Variants in LMBRD1 observed in about 807,000 individuals in gnomAD.
The protein encoded by LMBRD1 is lysosomal cobalamin transport escort protein LMBD1.
In LMBRD1, 64 loss-of-function variants were observed where a neutral mutation model predicts 74.8. That is an observed-to-expected ratio of 0.86 (90% CI 0.70 to 1.05). The LOEUF is 1.05. Among genes scored for constraint, LMBRD1 ranks in the 50% least tolerant of loss-of-function variants. The probability of loss-of-function intolerance (pLI) is 0.00; values close to 1 mark genes in which losing one functional copy is unlikely to be tolerated. For synonymous variants in LMBRD1, 204 were observed against 216.3 expected (o/e 0.94, Z 0.50); for missense variants, 652 against 645.9 (o/e 1.01, Z -0.10).
In LMBRD1 at chr6:69,699,086, G is replaced by C; in HGVS notation, c.1295C>G (p.Ala432Gly). 1.2e-6 allele frequency: 2 copies of C among 1,608,390 alleles called. No homozygotes were observed. Among genetic ancestry groups the C allele is most frequent in the Non-Finnish European group, 1.7e-6 (2 of 1,175,322 alleles). ...GCTTCCATACATAACATATTGGGGA[G>C]CAAGACTATAAATCATGTAGCTAGT... is the stretch of plus-strand genomic sequence containing the variant. ...LHTSYMIYSL[A>G]PQYVMYGSQN... Residue 432 changes from alanine (A) to glycine (G), a missense_variant, in exon 13 of 16, where the codon GCT becomes GGT. Physicochemically the swap from Ala to Gly is moderately conservative, Grantham distance 60 (BLOSUM62 0). Around this residue, in one of 3 missense-constraint regions of LMBRD1, gnomAD observed 598 missense variants for 581.8 expected, o/e 1.03. Coordinates refer to ENST00000649934, the MANE Select transcript of LMBRD1 (RefSeq NM_018368.4).
At chr6:69,734,486 G>A (rs1249323910) in intron 7 of LMBRD1, among the ~76,000 whole-genome samples, 1 of 151,368 alleles carries the variant, frequency 6.6e-6, no homozygotes, top group Non-Finnish European at 1.5e-5. Flanking sequence ...ACCTCTGCCT[G>A]CCGAATTCAA....
chr6:69,719,057 AAGG>A lies in LMBRD1; in HGVS notation c.658_660del (p.Pro220del). On this transcript the variant is annotated inframe_deletion, in exon 8 of 16. Coordinates refer to ENST00000649934, the MANE Select transcript of LMBRD1 (RefSeq NM_018368.4). ...CTTCTAGTGCCTTTTATCAGATTTAAAGGTAACGCAGACATGCCATAGGCCTAA... is the reference window on the plus strand; with the variant it reads ...CTTCTAGTGCCTTTTATCAGATTTAATAACGCAGACATGCCATAGGCCTAA... 1 of 1,613,236 alleles carries A rather than the reference AAGG, an allele frequency of 6.2e-7. No homozygotes were observed. Among genetic ancestry groups the A allele is most frequent in the Non-Finnish European group, 8.5e-7 (1 of 1,179,448 alleles).
chr6:69,695,562 T>A (rs535372502), intron 14 of LMBRD1, among the ~76,000 whole-genome samples: 39 of 152,336 alleles, frequency 2.6e-4, no homozygotes, highest in African/African-American at 9.4e-4. Flanking sequence ...CCACATCTTT[T>A]AAATTATCTC....
intron 11 of LMBRD1, among the ~76,000 whole-genome samples, chr6:69,701,152 C>G (rs1432457251): frequency 6.6e-6 from 1 of 151,552 alleles, no homozygotes; most frequent in East Asian, 1.9e-4. Context: ...AATATTAATA[C>G]CAAAAATAAT....
chr6:69,791,018 T>C (rs1766070358), intron 1 of LMBRD1, among the ~76,000 whole-genome samples: 1 of 152,202 alleles, frequency 6.6e-6, no homozygotes, highest in African/African-American at 2.4e-5. Flanking sequence ...GAAAAGTCAA[T>C]GCTGAAAATG....
At chr6:69,713,819 A>T in intron 8 of LMBRD1, 22 bp from the exon 9 acceptor site, 1 of 1,612,902 alleles carries the variant, frequency 6.2e-7, no homozygotes, top group Non-Finnish European at 8.5e-7. Context: ...AGAACAAAAT[A>T]AAAGTTTTAC....
intron 1 of LMBRD1, among the ~76,000 whole-genome samples, chr6:69,795,079 T>C (rs757111757): frequency 6.6e-6 from 1 of 152,212 alleles, no homozygotes; most frequent in Non-Finnish European, 1.5e-5. Flanking sequence ...ATTTTCTCCA[T>C]ACACTTCGAC....
At chr6:69,734,362 T>G (rs748383638) in intron 7 of LMBRD1, among the ~76,000 whole-genome samples, 1 of 151,562 alleles carries the variant, frequency 6.6e-6, no homozygotes, top group Non-Finnish European at 1.5e-5. Context: ...TCTTGGAAAC[T>G]GGGACTTTAA....
chr6:69,767,455 T>G (rs1333246663), intron 3 of LMBRD1, among the ~76,000 whole-genome samples: 1 of 151,812 alleles, frequency 6.6e-6, no homozygotes, highest in African/African-American at 2.4e-5. Context: ...TCTTGATCCA[T>G]GGGTTATTTA....
At chr6:69,700,673 C>G (rs1188646767) in intron 12 of LMBRD1, 92 bp downstream of exon 12, 12 of 865,816 alleles carry the variant, frequency 1.4e-5, no homozygotes, top group Non-Finnish European at 2.0e-5. Context: ...TATAAAGATA[C>G]AGCTACTATA....
intron 4 of LMBRD1, among the ~76,000 whole-genome samples, chr6:69,750,718 T>C (rs1765124729): frequency 1.3e-5 from 2 of 152,100 alleles, no homozygotes; most frequent in South Asian, 4.1e-4. Context: ...CTCGTGGAGA[T>C]CTTATCAAAT....
chr6:69,738,206 T>C lies in LMBRD1; in HGVS notation c.563-191A>G, dbSNP rs62408997. On this transcript the variant is annotated intron_variant, in intron 6 of 15. Transcript: ENST00000649934. ...TCTAAAGGACTCTTTAAAAATTGAT[T>C]TGTAAAAAATCTTTCTGACTAGCTG... Among the ~76,000 whole-genome samples the C allele has an allele frequency of 0.094, 14,302 of 152,152 alleles. 853 individuals are homozygous for C. Among genetic ancestry groups the C allele is most frequent in the Non-Finnish European group, 0.14 (9,236 of 67,924 alleles).
chr6:69,777,473 G>C (rs1451714073), intron 3 of LMBRD1, among the ~76,000 whole-genome samples: 4 of 150,114 alleles, frequency 2.7e-5, no homozygotes, highest in African/African-American at 7.3e-5. Flanking sequence ...GGCCCCAGAT[G>C]ATTTCTGAAG....
chr6:69,700,838 A>G lies in LMBRD1; in HGVS notation c.1115T>C (p.Ile372Thr). 3 of 1,458,158 alleles carry G rather than the reference A, an allele frequency of 2.1e-6. No individual in the cohort carries two copies. Among genetic ancestry groups the G allele is most frequent in the Non-Finnish European group, 2.8e-6 (3 of 1,072,292 alleles). 90.3% of individuals were successfully genotyped at this position (1,458,158 alleles called of 1,614,324 possible). Residue 372 changes from isoleucine (I) to threonine (T), a missense_variant, in exon 12 of 16, where the codon ATT (isoleucine) becomes ACT (threonine). Ile to Thr is a moderately conservative substitution (Grantham distance 89, BLOSUM62 -1). This residue lies in a region of LMBRD1 where 598 missense variants were observed against 581.8 expected (regional missense o/e 1.03). Transcript: ENST00000649934. ...VFPLDYILITIIIMYFIFTSM... is the reference protein window; with the variant it reads ...VFPLDYILITTIIMYFIFTSM... ...AGTAAAAATAAAGTACATAATAATA[A>G]TTGTTATAAGAATATAATCAAGAGG... is the stretch of plus-strand genomic sequence containing the variant.
intron 1 of LMBRD1, among the ~76,000 whole-genome samples, chr6:69,792,090 G>A (rs997774829): frequency 5.9e-5 from 9 of 152,180 alleles, no homozygotes; most frequent in Non-Finnish European, 1.2e-4. Context: ...CTTTTTTCCA[G>A]GAATTTTCAT....
chr6:69,699,095 T>C lies in LMBRD1; in HGVS notation c.1286A>G (p.Tyr429Cys), dbSNP rs766688327. ...CATAACATATTGGGGAGCAAGACTA[T>C]AAATCATGTAGCTAGTGTGAAGGAC... ...LIVLHTSYMIYSLAPQYVMYG... is the reference protein window; with the variant it reads ...LIVLHTSYMICSLAPQYVMYG... The change falls in exon 13 of 16, where the codon TAT becomes TGT. Residue 429 changes from tyrosine (Y) to cysteine (C), a missense_variant. This residue lies in a region of LMBRD1 where 598 missense variants were observed against 581.8 expected (regional missense o/e 1.03). Coordinates refer to ENST00000649934, the MANE Select transcript of LMBRD1 (RefSeq NM_018368.4). 1.3e-5 allele frequency: 21 copies of C among 1,609,572 alleles called. No homozygotes were observed. The Admixed American group carries it at 3.2e-4, about 24-fold the overall frequency.
chr6:69,790,727 TA>T, intron 1 of LMBRD1: 1 of 469,532 alleles, frequency 2.1e-6, no homozygotes, highest in Non-Finnish European at 3.9e-6. Context: ...ATTTCCTCAT[TA>T]AACACAGTGC....
chr6:69,709,660 A>G (rs1766340888), intron 9 of LMBRD1, among the ~76,000 whole-genome samples: 1 of 152,186 alleles, frequency 6.6e-6, no homozygotes, highest in South Asian at 2.1e-4. Context: ...ATAAAAGAAA[A>G]CCTCCTAAGG....
At chr6:69,679,568 C>T (rs753563559) in intron 14 of LMBRD1, among the ~76,000 whole-genome samples, 35 of 151,896 alleles carry the variant, frequency 2.3e-4, no homozygotes, top group Non-Finnish European at 4.0e-4. Flanking sequence ...AATTAAATAG[C>T]CCATTTTCTA....
Sources: gnomAD v4.1 joint callset for allele counts (sites outside exome capture counted in the v4.1 genomes callset) on GRCh38, gnomAD v4.1.1 for gene constraint, gnomAD v4.1.1 regional missense constraint, MANE v1.5 for transcripts, NCBI Gene and HGNC (gene_info 2026-07-23, HGNC 2026-07-21) for gene names.